ZNF469: variants seen among roughly 807,000 people sequenced by gnomAD.
ZNF469 encodes the protein zinc finger protein 469.
Under a neutral mutation model 1.0 loss-of-function variants are expected in ZNF469, and 1 was observed. The ratio of observed to expected loss-of-function variants is 1.00; its 90% confidence interval spans 0.35 to 4.73. The LOEUF is 4.73. ZNF469 is among the 30% of genes most tolerant of loss of function. The pLI is 0.16. For missense variants in ZNF469, 6,100 were observed against 5,356.3 expected (o/e 1.14, Z -4.33); for synonymous variants, 2,703 against 2,363.4 (o/e 1.14, Z -4.17).
the ZNF469 span, among the ~76,000 whole-genome samples, chr16:88,115,714 T>C: frequency 1.7e-4 from 15 of 87,900 alleles, no homozygotes; most frequent in East Asian, 7.1e-4. Flanking sequence ...GGGCTCTGGG[T>C]CCTTCCAGCC....
chr16:88,382,376 G>T (rs574818983), upstream of ZNF469, among the ~76,000 whole-genome samples: 1 of 152,376 alleles, frequency 6.6e-6, no homozygotes, highest in Admixed American at 6.5e-5. Flanking sequence ...ATGGCTCCTA[G>T]CGCCCCACCA....
the ZNF469 span, among the ~76,000 whole-genome samples, chr16:88,292,375 C>T: frequency 0.02 from 2,996 of 152,234 alleles, 93 homozygotes; most frequent in African/African-American, 0.067. Context: ...GAGTGTGAGT[C>T]CCTGTTGTAA....
chr16:88,235,544 G>T, the ZNF469 span, among the ~76,000 whole-genome samples: 1 of 152,236 alleles, frequency 6.6e-6, no homozygotes, highest in Non-Finnish European at 1.5e-5. Flanking sequence ...TCCTTGAACT[G>T]TATCAGGGGT....
chr16:88,320,745 G>A, the ZNF469 span, among the ~76,000 whole-genome samples: 1 of 151,926 alleles, frequency 6.6e-6, no homozygotes, highest in African/African-American at 2.4e-5. Context: ...CTGGAGACCC[G>A]CAACAGCCTC....
the ZNF469 span, among the ~76,000 whole-genome samples, chr16:88,105,596 G>A: frequency 6.6e-6 from 1 of 152,134 alleles, no homozygotes; most frequent in East Asian, 1.9e-4. Flanking sequence ...GAGCCACCAT[G>A]CTTGACTACA....
At chr16:88,202,054 C>A in the ZNF469 span, among the ~76,000 whole-genome samples, 6 of 152,164 alleles carry the variant, frequency 3.9e-5, no homozygotes, top group African/African-American at 1.2e-4. Flanking sequence ...CGTGCTCCCC[C>A]CAGGAGTAGC....
chr16:88,204,671 C>T, the ZNF469 span, among the ~76,000 whole-genome samples: 1 of 152,198 alleles, frequency 6.6e-6, no homozygotes, highest in African/African-American at 2.4e-5. Flanking sequence ...GCACAAGGCA[C>T]CCACACAGCC....
the ZNF469 span, chr16:88,276,459 G>C: frequency 6.6e-6 from 1 of 152,320 alleles, no homozygotes; most frequent in Non-Finnish European, 1.5e-5. Context: ...CTAAATGTCT[G>C]TGTGTGATTT....
At chr16:88,416,787 T>C (rs1489679024) in intron 1 of ZNF469, among the ~76,000 whole-genome samples, 1 of 152,106 alleles carries the variant, frequency 6.6e-6, no homozygotes, top group African/African-American at 2.4e-5. Flanking sequence ...CTTCCAGGGC[T>C]CCCTCCACGG....
intron 1 of ZNF469, among the ~76,000 whole-genome samples, chr16:88,384,548 C>CT (rs775894762): frequency 1.3e-5 from 2 of 152,308 alleles, no homozygotes; most frequent in South Asian, 4.1e-4. Context: ...TGCCATGCGC[C>CT]TGGCAGGTCC....
At chr16:88,318,076 T>G in the ZNF469 span, among the ~76,000 whole-genome samples, 1 of 152,188 alleles carries the variant, frequency 6.6e-6, no homozygotes, top group Non-Finnish European at 1.5e-5. Context: ...ACTGTCCCCA[T>G]GAGGAGAGGG....
intron 1 of ZNF469, among the ~76,000 whole-genome samples, chr16:88,417,177 C>G (rs941067172): frequency 7.0e-6 from 1 of 142,292 alleles, no homozygotes; most frequent in Non-Finnish European, 1.5e-5. Flanking sequence ...CCCAGAGCGT[C>G]GCTGCAAGGG....
the ZNF469 span, among the ~76,000 whole-genome samples, chr16:88,301,105 C>T: frequency 1.3e-5 from 2 of 151,774 alleles, no homozygotes; most frequent in South Asian, 4.1e-4. Flanking sequence ...CCGTTGGGAG[C>T]GTGCTTTGTA....
the ZNF469 span, chr16:88,294,896 G>C: frequency 6.3e-6 from 1 of 158,724 alleles, no homozygotes; most frequent in African/African-American, 2.4e-5. Context: ...AGCACGGCCT[G>C]TGCTGTTGGG....
At chr16:88,236,712 C>G in the ZNF469 span, among the ~76,000 whole-genome samples, 1 of 152,074 alleles carries the variant, frequency 6.6e-6, no homozygotes, top group Non-Finnish European at 1.5e-5. Context: ...ACTAAAAATA[C>G]AAAAATTAGC....
At chr16:88,221,873 T>C in the ZNF469 span, among the ~76,000 whole-genome samples, 2 of 152,128 alleles carry the variant, frequency 1.3e-5, no homozygotes, top group Non-Finnish European at 2.9e-5. Flanking sequence ...GTCCCGTGGA[T>C]TTTCTCTTCT....
chr16:88,430,936 G>T lies in ZNF469; in HGVS notation c.3466G>T (p.Glu1156Ter). The T allele has an allele frequency of 6.5e-7, 1 of 1,535,970 alleles. No individual in the cohort carries two copies. ...CGGGGACGGAGCCCCCGCGAACCCC[G>T]AGGAGCCGGGCGGGTCTCGCCCGGG... ...AGGDGAPANP[E>*]EPGGSRPGPG... The change falls in exon 3 of 3, where the codon GAG becomes TAG. Residue 1156 changes from glutamate (E) to a stop codon, truncating the protein, a stop_gained. Coordinates refer to ENST00000565624, the MANE Select transcript of ZNF469 (RefSeq NM_001367624.2). LOFTEE classifies it low-confidence loss of function (END_TRUNC).
the ZNF469 span, among the ~76,000 whole-genome samples, chr16:88,190,273 G>A: frequency 2.6e-5 from 4 of 151,390 alleles, no homozygotes; most frequent in African/African-American, 7.3e-5. Context: ...ATTTCAGGCC[G>A]AATATTGTCA....
chr16:88,429,428 C>A lies in ZNF469; in HGVS notation c.1958C>A (p.Pro653His), dbSNP rs780409854. The change falls in exon 3 of 3, where the codon CCC becomes CAC. Residue 653 changes from proline (P) to histidine (H), a missense_variant. Transcript: ENST00000565624. Reference sequence around the variant, plus strand: ...GGCAGCCCCTTCCCGTCCCCGGAGCCCCCCCACTCCCTCCCCACCCACTAC... The same window carrying A: ...GGCAGCCCCTTCCCGTCCCCGGAGCACCCCCACTCCCTCCCCACCCACTAC... ...ETGSPFPSPE[P>H]PHSLPTHYQP... The A allele has an allele frequency of 1.8e-5, 27 of 1,540,548 alleles. No homozygotes were observed. The South Asian group carries it at 2.7e-4, about 16-fold the overall frequency.
Sources: gnomAD v4.1 joint callset for allele counts (sites outside exome capture counted in the v4.1 genomes callset) on GRCh38, gnomAD v4.1.1 for gene constraint, MANE v1.5 for transcripts, NCBI Gene and HGNC (gene_info 2026-07-23, HGNC 2026-07-21) for gene names.